CHEK2: variants seen among roughly 807,000 people sequenced by gnomAD.
CHEK2 encodes serine/threonine-protein kinase Chk2.
Under a neutral mutation model 69.1 loss-of-function variants are expected in CHEK2, and 71 were observed. That is an observed-to-expected ratio of 1.03 (90% CI 0.85 to 1.25). The LOEUF (loss-of-function observed/expected upper bound fraction) is 1.25. Among genes scored for constraint, CHEK2 ranks in the 50% most tolerant of loss-of-function variants. The probability of loss-of-function intolerance (pLI) is 0.00; values close to 1 mark genes in which losing one functional copy is unlikely to be tolerated. For missense variants in CHEK2, 664 were observed against 649.6 expected, an observed-to-expected ratio of 1.02 and a Z score of -0.24; for synonymous variants, 189 against 226.9, an observed-to-expected ratio of 0.83 and a Z score of 1.50.
chr22:28,717,610 T>C (rs2053629079), intron 5 of CHEK2, among the ~76,000 whole-genome samples: 1 of 150,816 alleles, frequency 6.6e-6, no homozygotes, highest in Non-Finnish European at 1.5e-5. Context: ...GAGTGGTGGC[T>C]CACGCCTATA....
intron 2 of CHEK2, among the ~76,000 whole-genome samples, chr22:28,733,881 G>A (rs979043958): frequency 4.0e-5 from 6 of 148,766 alleles, no homozygotes; most frequent in African/African-American, 1.0e-4. Context: ...CCGAGATGGC[G>A]TCACTGCACT....
chr22:28,697,371 T>G (rs1373393495), intron 9 of CHEK2, among the ~76,000 whole-genome samples: 5 of 152,162 alleles, frequency 3.3e-5, no homozygotes, highest in East Asian at 1.9e-4. Context: ...ATTGCAGTCC[T>G]GAGAATATTT....
At chr22:28,720,144 G>A (rs932696484) in intron 4 of CHEK2, among the ~76,000 whole-genome samples, 4 of 144,346 alleles carry the variant, frequency 2.8e-5, no homozygotes, top group Admixed American at 2.1e-4. Flanking sequence ...AGGCTGGAGT[G>A]CAGTGGCATG....
At chr22:28,709,490 C>T (rs1477730075) in intron 7 of CHEK2, among the ~76,000 whole-genome samples, 3 of 152,138 alleles carry the variant, frequency 2.0e-5, no homozygotes, top group Non-Finnish European at 4.4e-5. Context: ...AATCTTTATA[C>T]GGTATTGTTC....
intron 7 of CHEK2, among the ~76,000 whole-genome samples, chr22:28,704,121 G>GACAC (rs10565000): frequency 0.01 from 1,479 of 143,008 alleles, 16 homozygotes; most frequent in African/African-American, 0.023. Flanking sequence ...GAGACAGACA[G>GACAC]ACACACACAC....
chr22:28,719,419 T>TATTC lies in CHEK2; in HGVS notation c.655_658dup (p.Tyr220Ter). ...CCTTCCAAGAGTTTTTGACATGATGTATTCATCTCTTAATGCCTTAGGATA... is the reference window on the plus strand; with the variant it reads ...CCTTCCAAGAGTTTTTGACATGATGTATTCATTCATCTCTTAATGCCTTAGGATA... On this transcript the variant is annotated stop_gained and frameshift_variant, in exon 5 of 15. Transcript: ENST00000404276. LOFTEE classifies it high-confidence loss of function. The TATTC allele has an allele frequency of 6.3e-7, 1 of 1,592,818 alleles. No homozygotes were observed. The highest frequency in any genetic ancestry group is 8.6e-7 in the Non-Finnish European group (1 of 1,167,998).
chr22:28,713,232 T>G (rs2053467640), intron 5 of CHEK2, among the ~76,000 whole-genome samples: 1 of 152,252 alleles, frequency 6.6e-6, no homozygotes, highest in Non-Finnish European at 1.5e-5. Flanking sequence ...TTTATTTGGT[T>G]TGTTTCCACC....
chr22:28,736,639 CAGTT>C (rs1183799650), intron 1 of CHEK2, among the ~76,000 whole-genome samples: 1 of 152,184 alleles, frequency 6.6e-6, no homozygotes, highest in African/African-American at 2.4e-5. Flanking sequence ...ACCTGATAGA[CAGTT>C]AGACTGTCAT....
chr22:28,690,308 A>G (rs1299344058), intron 13 of CHEK2, among the ~76,000 whole-genome samples: 3 of 152,194 alleles, frequency 2.0e-5, no homozygotes, highest in African/African-American at 7.2e-5. Context: ...CCTGGGCAAC[A>G]TAGTGGGACT....
rs1555924390 is a variant in CHEK2 at position 28,719,405 on chromosome 22, T to C, written c.673A>G (p.Thr225Ala). Residue 225 changes from threonine (T) to alanine (A), a missense_variant, in exon 5 of 15, where the codon ACT becomes GCT. Thr to Ala is a moderately conservative substitution (Grantham distance 58). Coordinates refer to ENST00000404276, the MANE Select transcript of CHEK2 (RefSeq NM_007194.4). Reference protein sequence around the residue: ...ALRDEYIMSKTLGSGACGEVK... With the variant: ...ALRDEYIMSKALGSGACGEVK... Reference sequence around the variant, plus strand: ...AAGAAAATAATTTACCTTCCAAGAGTTTTTGACATGATGTATTCATCTCTT... The same window carrying C: ...AAGAAAATAATTTACCTTCCAAGAGCTTTTGACATGATGTATTCATCTCTT... 1 of 1,578,128 alleles carries C rather than the reference T, an allele frequency of 6.3e-7. No individual in the cohort carries two copies. Among genetic ancestry groups the C allele is most frequent in the Middle Eastern group, 1.9e-4 (1 of 5,184 alleles).
At chr22:28,714,430 C>T (rs1160988616) in intron 5 of CHEK2, among the ~76,000 whole-genome samples, 3 of 152,114 alleles carry the variant, frequency 2.0e-5, no homozygotes, top group Non-Finnish European at 4.4e-5. Flanking sequence ...GACAGGATCT[C>T]ACTCTGTCGC....
At position 28,725,335 on chromosome 22, in the gene CHEK2, CCCTCCCAAACCAG is replaced by C; in HGVS notation, c.339_351del (p.Tyr113Ter). The C allele has an allele frequency of 6.2e-7, 1 of 1,614,034 alleles. No individual in the cohort carries two copies. The highest frequency in any genetic ancestry group is 8.5e-7 in the Non-Finnish European group (1 of 1,179,982). Reference sequence around the variant, plus strand: ...TCAAAGCAATATTCACAGCTTTTGTCCCTCCCAAACCAGTAGTTGTCATTCACACATTCTGTAA... The same window carrying C: ...TCAAAGCAATATTCACAGCTTTTGTCTAGTTGTCATTCACACATTCTGTAA... On this transcript the variant is annotated frameshift_variant, in exon 3 of 15. Coordinates refer to ENST00000404276, the MANE Select transcript of CHEK2 (RefSeq NM_007194.4). LOFTEE classifies it high-confidence loss of function.
At chr22:28,722,303 G>A (rs1322654546) in intron 4 of CHEK2, among the ~76,000 whole-genome samples, 1 of 151,876 alleles carries the variant, frequency 6.6e-6, no homozygotes, top group African/African-American at 2.4e-5. Context: ...CACTTTGGAA[G>A]GCCGAGGCGG....
chr22:28,710,166 C>A lies in CHEK2; in HGVS notation c.793-107G>T, dbSNP rs869312553. On this transcript the variant is annotated intron_variant, in intron 6 of 14. Transcript: ENST00000404276. ...ACTCAAGGCTGCCTGAGTTCCAAAC[C>A]CAGCTCTACTTATACAAAGAAATCA... is the stretch of plus-strand genomic sequence containing the variant. 1.4e-6 allele frequency: 1 copy of A among 705,542 alleles called. No individual in the cohort carries two copies. Among genetic ancestry groups the A allele is most frequent in the Non-Finnish European group, 2.5e-6 (1 of 401,740 alleles). The allele number at this position is 705,542 out of a possible 1,614,324, so 43.7% of individuals were successfully genotyped here.
At chr22:28,738,971 A>G (rs1294279945) in intron 1 of CHEK2, among the ~76,000 whole-genome samples, 1 of 152,202 alleles carries the variant, frequency 6.6e-6, no homozygotes, top group Non-Finnish European at 1.5e-5. Context: ...AAATAATCCA[A>G]TTTAAGAAAT....
At chr22:28,719,903 T>C (rs1048584442) in intron 4 of CHEK2, among the ~76,000 whole-genome samples, 3 of 152,130 alleles carry the variant, frequency 2.0e-5, no homozygotes, top group Admixed American at 6.6e-5. Flanking sequence ...AATATCCCAA[T>C]GAAAATTAGG....
chr22:28,729,624 C>T (rs2054132519), intron 2 of CHEK2, among the ~76,000 whole-genome samples: 1 of 149,046 alleles, frequency 6.7e-6, no homozygotes, highest in Non-Finnish European at 1.5e-5. Flanking sequence ...ATATAATACA[C>T]GATAACAATA....
intron 2 of CHEK2, among the ~76,000 whole-genome samples, chr22:28,727,434 A>G (rs1362650767): frequency 6.6e-6 from 1 of 152,102 alleles, no homozygotes; most frequent in Admixed American, 6.6e-5. Flanking sequence ...GCTGGAAATT[A>G]CCTTGCTTAT....
intron 1 of CHEK2, among the ~76,000 whole-genome samples, chr22:28,739,885 G>A (rs2054507631): frequency 6.6e-6 from 1 of 152,032 alleles, no homozygotes; most frequent in South Asian, 2.1e-4. Context: ...ATGCCAACAG[G>A]GACCAGATGT....
Sources: allele counts gnomAD v4.1 joint callset (sites outside exome capture counted in the v4.1 genomes callset), GRCh38; gene constraint gnomAD v4.1.1; transcripts MANE v1.5; gene names NCBI Gene and HGNC (gene_info 2026-07-23, HGNC 2026-07-21).